The following PTPN2 variants were observed in gnomAD, a reference collection of about 807,000 sequenced individuals.
PTPN2 encodes tyrosine-protein phosphatase non-receptor type 2.
In PTPN2, 19 loss-of-function variants were observed where a neutral mutation model predicts 57.3. That is an observed-to-expected ratio of 0.33 (90% CI 0.23 to 0.49). The LOEUF (loss-of-function observed/expected upper bound fraction) is 0.49. Ranked by LOEUF, PTPN2 falls within the 20% of genes least tolerant of loss-of-function variation. The pLI is 0.99. For missense variants in PTPN2, 358 were observed against 501.1 expected (o/e 0.71, Z 2.73); for synonymous variants, 153 against 164.9 (o/e 0.93, Z 0.55).
chr18:12,838,009 TA>T (rs2095971148), intron 2 of PTPN2, among the ~76,000 whole-genome samples: 1 of 152,074 alleles, frequency 6.6e-6, no homozygotes, highest in African/African-American at 2.4e-5. Flanking sequence ...ATCACTTTTT[TA>T]AAAAACAGTT....
chr18:12,799,480 T>A (rs2041325473), intron 8 of PTPN2, among the ~76,000 whole-genome samples: 1 of 152,134 alleles, frequency 6.6e-6, no homozygotes, highest in Admixed American at 6.5e-5. Context: ...ATGAGGATCT[T>A]TAATGCAAAG....
chr18:12,836,605 C>A (rs1228565663), intron 3 of PTPN2, among the ~76,000 whole-genome samples, 186 bp downstream of exon 3: 1 of 152,208 alleles, frequency 6.6e-6, no homozygotes, highest in Non-Finnish European at 1.5e-5. Flanking sequence ...AAATAACTTG[C>A]CTTTTATCTT....
chr18:12,848,703 C>T (rs538275150), intron 2 of PTPN2, among the ~76,000 whole-genome samples: 2 of 152,364 alleles, frequency 1.3e-5, no homozygotes, highest in African/African-American at 4.8e-5. Context: ...AATGCAATTA[C>T]ACAAAAGACC....
intron 1 of PTPN2, among the ~76,000 whole-genome samples, chr18:12,876,296 A>AAAGAAGAAGAAGAAGAAGAAG (rs71174150): frequency 0.096 from 13,892 of 145,058 alleles, 1,125 homozygotes; most frequent in South Asian, 0.31. Flanking sequence ...ACAACAACAA[A>AAAGAAGAAGAAGAAGAAGAAG]AAGAAGAAGA....
rs889010899 is a variant in PTPN2, at chr18:12,831,008, G to A, written c.295C>T (p.Leu99Phe). 3 of 1,609,992 alleles carry A rather than the reference G, an allele frequency of 1.9e-6. No homozygotes were observed. Among genetic ancestry groups the A allele is most frequent in the African/African-American group, 1.3e-5 (1 of 74,964 alleles). The stretch of plus-strand genomic sequence containing the variant: ...TTGGTCTTCTGCTGCCAAACCATAA[G>A]CCAGAAATGGCAGCATGTGTTAGGA... ...PLPNTCCHFWLMVWQQKTKAV... is the reference protein window; with the variant it reads ...PLPNTCCHFWFMVWQQKTKAV... The change falls in exon 4 of 9, where the codon CTT becomes TTT. Residue 99 changes from leucine (L) to phenylalanine (F), a missense_variant. By Grantham distance (22) the Leu-to-Phe change is conservative. Around this residue, in one of 4 missense-constraint regions of PTPN2, gnomAD observed 193 missense variants for 315.4 expected, o/e 0.61. Coordinates refer to ENST00000309660, the MANE Select transcript of PTPN2 (RefSeq NM_002828.4).
chr18:12,830,242 T>TA (rs1378833870), intron 4 of PTPN2, among the ~76,000 whole-genome samples: 1 of 152,038 alleles, frequency 6.6e-6, no homozygotes, highest in Non-Finnish European at 1.5e-5. Context: ...CTCCACCTCC[T>TA]AGGTTCAAGC....
intron 1 of PTPN2, among the ~76,000 whole-genome samples, chr18:12,869,541 TTAAA>T (rs1321580282): frequency 5.9e-5 from 9 of 152,338 alleles, no homozygotes; most frequent in Non-Finnish European, 8.8e-5. Flanking sequence ...TAATATTTTA[TTAAA>T]TAATGTCAAA....
intron 1 of PTPN2, among the ~76,000 whole-genome samples, chr18:12,864,971 A>T (rs1184525495): frequency 1.5e-5 from 1 of 64,620 alleles, no homozygotes; most frequent in Non-Finnish European, 5.1e-5. Context: ...AAATACAGGG[A>T]CTCTCAAAAG....
intron 7 of PTPN2, among the ~76,000 whole-genome samples, chr18:12,808,791 A>T (rs1238206529): frequency 6.6e-6 from 1 of 152,256 alleles, no homozygotes; most frequent in Admixed American, 6.5e-5. Flanking sequence ...GAACCAACCA[A>T]CCAACAGACA....
At chr18:12,870,533 G>C (rs1298115717) in intron 1 of PTPN2, among the ~76,000 whole-genome samples, 1 of 106,440 alleles carries the variant, frequency 9.4e-6, no homozygotes, top group Non-Finnish European at 1.8e-5. Flanking sequence ...TTTTGAGACA[G>C]AGTTTCACTC....
chr18:12,800,753 T>C (rs901874388), intron 8 of PTPN2, among the ~76,000 whole-genome samples: 1 of 152,122 alleles, frequency 6.6e-6, no homozygotes, highest in Non-Finnish European at 1.5e-5. Context: ...AGAAGTATAT[T>C]TGGCAAAAAG....
intron 8 of PTPN2, among the ~76,000 whole-genome samples, chr18:12,796,485 ACTT>A (rs1226023646): frequency 6.6e-6 from 1 of 152,214 alleles, no homozygotes; most frequent in Non-Finnish European, 1.5e-5. Flanking sequence ...TCAATGTTAC[ACTT>A]CTTTGGTGTA....
chr18:12,838,666 AG>A (rs2042949733), intron 2 of PTPN2, among the ~76,000 whole-genome samples: 1 of 152,226 alleles, frequency 6.6e-6, no homozygotes, highest in Non-Finnish European at 1.5e-5. Flanking sequence ...ACAAAAGCAA[AG>A]GAACGGTGAA....
chr18:12,786,453 C>A (rs1221416477), intron 9 of PTPN2: 1 of 152,110 alleles, frequency 6.6e-6, no homozygotes, highest in Non-Finnish European at 1.5e-5. Flanking sequence ...ATATAAAATA[C>A]ATAATTGACA....
chr18:12,856,226 G>A (rs1180891949), intron 2 of PTPN2, among the ~76,000 whole-genome samples: 1 of 152,234 alleles, frequency 6.6e-6, no homozygotes, highest in Non-Finnish European at 1.5e-5. Context: ...CAGGAGAGGA[G>A]AGGTGCCAAG....
intron 3 of PTPN2, among the ~76,000 whole-genome samples, chr18:12,836,142 T>A (rs1202562998): frequency 6.6e-6 from 1 of 152,234 alleles, no homozygotes; most frequent in Non-Finnish European, 1.5e-5. Flanking sequence ...GACAGCCCTG[T>A]TGATAATCAA....
intron 2 of PTPN2, among the ~76,000 whole-genome samples, chr18:12,854,868 C>T (rs1162677540): frequency 2.0e-5 from 3 of 152,038 alleles, no homozygotes; most frequent in South Asian, 2.1e-4. Flanking sequence ...AAGGCACGGT[C>T]GGCTGGGCAC....
rs1037881088 is a variant in PTPN2, at chr18:12,785,696, A to G, written c.*127T>C. 16 of 837,766 alleles carry G rather than the reference A, an allele frequency of 1.9e-5. No individual in the cohort carries two copies. In the Middle Eastern group the frequency reaches 1.0e-3, roughly 53 times the overall value. 51.9% of individuals were successfully genotyped at this position (837,766 alleles called of 1,614,324 possible). A position where few individuals can be genotyped will look rare whatever the true frequency, so the allele number is the denominator to read the frequency against. ...TGGATGTAAAGTTTACTTTGTAAAC[A>G]AACAACTGTGAGGCAATCTAGAGGG... On this transcript the variant is annotated 3_prime_UTR_variant, in exon 10 of 10. Transcript: ENST00000327283.
At chr18:12,865,094 T>C (rs1486476737) in intron 1 of PTPN2, among the ~76,000 whole-genome samples, 1 of 152,188 alleles carries the variant, frequency 6.6e-6, no homozygotes, top group Non-Finnish European at 1.5e-5. Flanking sequence ...TTCAGAAGGA[T>C]ATCTTTAAGC....
Sources: allele counts gnomAD v4.1 joint callset (sites outside exome capture counted in the v4.1 genomes callset), GRCh38; gene constraint gnomAD v4.1.1; regional missense constraint gnomAD v4.1.1; transcripts MANE v1.5; gene names NCBI Gene and HGNC (gene_info 2026-07-23, HGNC 2026-07-21).